Variants in CACNB2 observed in about 807,000 individuals in gnomAD.
CACNB2 encodes the protein calcium voltage-gated channel auxiliary subunit beta 2, also known as voltage-dependent L-type calcium channel subunit beta-2.
A neutral mutation model predicts 73.3 loss-of-function variants in CACNB2; 42 were observed. The ratio of observed to expected loss-of-function variants is 0.57; its 90% CI spans 0.45 to 0.74. The LOEUF (loss-of-function observed/expected upper bound fraction) is 0.74, where lower values mean the gene tolerates loss of function less well. CACNB2 is among the 30% of genes least tolerant of loss of function. The pLI is 0.00. For synonymous variants in CACNB2, 348 were observed against 310.3 expected, an observed-to-expected ratio of 1.12 and a Z score of -1.28; for missense variants, 940 against 853.0, an observed-to-expected ratio of 1.10 and a Z score of -1.27.
chr10:18,412,237 G>A (rs78276141), intron 3 of CACNB2, among the ~76,000 whole-genome samples: 2,614 of 152,280 alleles, frequency 0.017, 87 homozygotes, highest in South Asian at 0.12. Flanking sequence ...CAAGTCACCG[G>A]CCTAAGCCTG....
intron 2 of CACNB2, among the ~76,000 whole-genome samples, chr10:18,391,733 C>T (rs976518390): frequency 1.3e-5 from 2 of 151,870 alleles, no homozygotes; most frequent in Non-Finnish European, 2.9e-5. Context: ...TCGAGACCAG[C>T]CTGGGCAGCA....
chr10:18,494,515 C>T (rs1157529342), intron 3 of CACNB2, among the ~76,000 whole-genome samples: 1 of 151,626 alleles, frequency 6.6e-6, no homozygotes, highest in Non-Finnish European at 1.5e-5. Flanking sequence ...ACCTGTAGTC[C>T]CAGCTACTCG....
Position 18,199,069 on chromosome 10 carries a change from A to G in CACNB2, c.213+48094A>G, listed in dbSNP as rs370190256. 7.9e-5 allele frequency among the ~76,000 whole-genome samples: 12 copies of G among 152,284 alleles called. No individual in the cohort carries two copies. In the South Asian group the frequency reaches 2.5e-3, roughly 32 times the overall value. ...AGCACCTTGCAACTCATAGGTGCTA[A>G]TAAGTATGTTGATATGTGTCCGCTG... is the stretch of plus-strand genomic sequence containing the variant. On this transcript the variant is annotated intron_variant, in intron 2 of 13. Transcript: ENST00000324631.
rs372916856 is a variant in CACNB2 at position 18,288,676 on chromosome 10, TACACACAC to T, written c.214-113226_214-113219del. Among the ~76,000 whole-genome samples the T allele has an allele frequency of 2.1e-5, 3 of 144,312 alleles. No homozygotes were observed. In the East Asian group the frequency reaches 6.0e-4, roughly 29 times the overall value. The allele number at this position is 144,312 out of a possible 152,430, so 94.7% of individuals were successfully genotyped here. ...AGCAAGATGCAGCAAATGAGATTTA[TACACACAC>T]ACACACACACACACACACACAGAGA... On this transcript the variant is annotated intron_variant, in intron 2 of 13. Coordinates refer to ENST00000324631, the MANE Select transcript of CACNB2 (RefSeq NM_201596.3).
intron 3 of CACNB2, among the ~76,000 whole-genome samples, chr10:18,412,991 A>G (rs920366692): frequency 1.3e-5 from 2 of 152,018 alleles, no homozygotes; most frequent in African/African-American, 4.8e-5. Flanking sequence ...ATTTTTTGAG[A>G]TGGAGTTTTA....
At chr10:18,233,451 T>C (rs1043241508) in intron 2 of CACNB2, among the ~76,000 whole-genome samples, 4 of 151,848 alleles carry the variant, frequency 2.6e-5, no homozygotes, top group African/African-American at 7.3e-5. Context: ...ACATCTTTTT[T>C]TCTCTCTCTC....
intron 3 of CACNB2, among the ~76,000 whole-genome samples, chr10:18,437,001 G>A (rs971906304): frequency 1.3e-5 from 2 of 152,198 alleles, no homozygotes; most frequent in Admixed American, 1.3e-4. Flanking sequence ...ACATGGGCCT[G>A]CATGATGTCA....
intron 2 of CACNB2, among the ~76,000 whole-genome samples, chr10:18,266,333 T>C (rs750758332): frequency 2.5e-4 from 38 of 152,200 alleles, no homozygotes; most frequent in South Asian, 1.4e-3. Flanking sequence ...ATTCCATGTA[T>C]AGTGCTTTGG....
chr10:18,491,304 C>T (rs924829513), intron 3 of CACNB2, among the ~76,000 whole-genome samples: 1 of 152,206 alleles, frequency 6.6e-6, no homozygotes, highest in Non-Finnish European at 1.5e-5. Flanking sequence ...TCTGGTAGGG[C>T]AGGGTGTGGT....
chr10:18,390,890 G>T (rs1386830422), intron 2 of CACNB2, among the ~76,000 whole-genome samples: 2 of 152,184 alleles, frequency 1.3e-5, no homozygotes, highest in Non-Finnish European at 2.9e-5. Context: ...ATTAGCCAGA[G>T]AATTATTTAC....
At chr10:18,456,999 C>T (rs1391253395) in intron 3 of CACNB2, among the ~76,000 whole-genome samples, 1 of 152,154 alleles carries the variant, frequency 6.6e-6, no homozygotes, top group African/African-American at 2.4e-5. Flanking sequence ...CTGCCTTCTA[C>T]CACTGGGCAT....
In CACNB2 at chr10:18,522,877, CAAAAAAAAAAAAAAAAAAAAAAAAA is replaced by C. The variant is rs10528720; in HGVS notation, c.944+3921_944+3945del. On this transcript the variant is annotated intron_variant, in intron 9 of 13. Transcript: ENST00000324631. ...TGGGAAACAGAGTGAGACTCTGTCTCAAAAAAAAAAAAAAAAAAAAAAAAAAAAAAAAAAAAGTGATCAGGCAAAG... is the reference window on the plus strand; with the variant it reads ...TGGGAAACAGAGTGAGACTCTGTCTCAAAAAAAAAAAGTGATCAGGCAAAG... Among the ~76,000 whole-genome samples, 57 of 77,824 alleles carry C rather than the reference CAAAAAAAAAAAAAAAAAAAAAAAAA, an allele frequency of 7.3e-4. 1 individual carries two copies. Among genetic ancestry groups the C allele is most frequent in the Admixed American group, 2.5e-3 (18 of 7,102 alleles). The allele number at this position is 77,824 out of a possible 152,430, so 51.1% of individuals were successfully genotyped here.
chr10:18,229,610 A>G (rs912648806), intron 2 of CACNB2, among the ~76,000 whole-genome samples: 1 of 152,244 alleles, frequency 6.6e-6, no homozygotes, highest in African/African-American at 2.4e-5. Flanking sequence ...GTATTAAAAT[A>G]TTAACAAAAT....
intron 2 of CACNB2, among the ~76,000 whole-genome samples, chr10:18,199,152 A>T (rs1257723055): frequency 6.6e-6 from 1 of 152,204 alleles, no homozygotes; most frequent in Non-Finnish European, 1.5e-5. Context: ...GGTACCATCC[A>T]GCTCTTTGAA....
chr10:18,472,068 A>G (rs906742845), intron 3 of CACNB2, among the ~76,000 whole-genome samples: 1 of 151,590 alleles, frequency 6.6e-6, no homozygotes, highest in Non-Finnish European at 1.5e-5. Context: ...ATTCCTATCC[A>G]TCTGCTCTTT....
At chr10:18,336,786 A>T (rs2041025602) in intron 2 of CACNB2, among the ~76,000 whole-genome samples, 1 of 152,250 alleles carries the variant, frequency 6.6e-6, no homozygotes, top group Non-Finnish European at 1.5e-5. Context: ...AAAATATCCT[A>T]ACCCATAATA....
At chr10:18,439,397 C>T (rs2046306236) in intron 3 of CACNB2, among the ~76,000 whole-genome samples, 1 of 152,092 alleles carries the variant, frequency 6.6e-6, no homozygotes, top group African/African-American at 2.4e-5. Context: ...AAATTTGAGT[C>T]CTGGTTTTAG....
intron 3 of CACNB2, among the ~76,000 whole-genome samples, chr10:18,478,362 A>AT (rs1199755257): frequency 6.6e-6 from 1 of 152,158 alleles, no homozygotes; most frequent in Non-Finnish European, 1.5e-5. Flanking sequence ...TGTGATTTTC[A>AT]TTTTCCCTTA....
At chr10:18,529,047 G>T (rs1223702934) in intron 10 of CACNB2, among the ~76,000 whole-genome samples, 2 of 152,150 alleles carry the variant, frequency 1.3e-5, no homozygotes, top group African/African-American at 2.4e-5. Flanking sequence ...GCCCACGCTG[G>T]TCTCCAATTC....
Sources: allele counts gnomAD v4.1 joint callset (sites outside exome capture counted in the v4.1 genomes callset), GRCh38; gene constraint gnomAD v4.1.1; transcripts MANE v1.5; gene names NCBI Gene and HGNC (gene_info 2026-07-23, HGNC 2026-07-21).